PALM2AKAP2: variants seen among roughly 807,000 people sequenced by gnomAD.
PALM2AKAP2 encodes PALM2 and AKAP2 fusion, also known as PALM2-AKAP2 fusion protein.
A neutral mutation model predicts 71.5 loss-of-function variants in PALM2AKAP2; 37 were observed. The observed-to-expected ratio is 0.52, with a 90% CI of 0.40 to 0.68. The LOEUF (loss-of-function observed/expected upper bound fraction) is 0.68, where lower values mean the gene tolerates loss of function less well. PALM2AKAP2 is among the 30% of genes least tolerant of loss of function. PALM2AKAP2 has a pLI of 0.00. For missense variants in PALM2AKAP2, 1,224 were observed against 1,191.8 expected (o/e 1.03, Z -0.40); for synonymous variants, 468 against 478.8 (o/e 0.98, Z 0.29).
chr9:109,683,950 G>A (rs547783663), intron 1 of PALM2AKAP2, among the ~76,000 whole-genome samples: 48 of 152,038 alleles, frequency 3.2e-4, no homozygotes, highest in Non-Finnish European at 5.9e-4. Context: ...GAGATAATGA[G>A]ATAATGTATA....
intron 1 of PALM2AKAP2, among the ~76,000 whole-genome samples, chr9:109,695,508 T>C (rs141207921): frequency 2.0e-3 from 297 of 152,284 alleles, no homozygotes; most frequent in African/African-American, 6.8e-3. Flanking sequence ...GGTGAGAGGG[T>C]ATCTTACTAC....
At position 109,783,062 on chromosome 9, in the gene PALM2AKAP2, G is replaced by T. The variant is rs867054848; in HGVS notation, c.45+2529G>T. ...ACTTACTTGGGCTTCTCTCTCAGAGGCAGAGAATCGACTGGGATTCCAGTC... is the reference window on the plus strand; with the variant it reads ...ACTTACTTGGGCTTCTCTCTCAGAGTCAGAGAATCGACTGGGATTCCAGTC... On this transcript the variant is annotated intron_variant, in intron 1 of 9. Transcript: ENST00000302798. 4.9e-4 allele frequency among the ~76,000 whole-genome samples: 74 copies of T among 152,236 alleles called. 1 individual carries two copies. The Middle Eastern group carries it at 0.027, about 56-fold the overall frequency.
At chr9:110,076,515 A>ATATATATATATATATATATATATATC (rs1834329613) in intron 1 of PALM2AKAP2, among the ~76,000 whole-genome samples, 1 of 144,518 alleles carries the variant, frequency 6.9e-6, no homozygotes, top group African/African-American at 2.6e-5. Flanking sequence ...ATATATAGGT[A>ATATATATATATATATATATATATATC]TATATACCTC....
intron 1 of PALM2AKAP2, among the ~76,000 whole-genome samples, chr9:109,704,811 G>A (rs1262914247): frequency 6.6e-6 from 1 of 152,106 alleles, no homozygotes; most frequent in Non-Finnish European, 1.5e-5. Flanking sequence ...CTTCAACTTG[G>A]CTCTCACCAG....
intron 1 of PALM2AKAP2, among the ~76,000 whole-genome samples, chr9:109,829,999 A>G (rs961561943): frequency 1.3e-5 from 2 of 152,124 alleles, no homozygotes; most frequent in Non-Finnish European, 2.9e-5. Flanking sequence ...GAGGTGGGAG[A>G]TGCATGAATT....
intron 3 of PALM2AKAP2, among the ~76,000 whole-genome samples, chr9:109,913,492 T>G (rs925565084): frequency 7.9e-5 from 12 of 152,156 alleles, no homozygotes; most frequent in Non-Finnish European, 1.6e-4. Context: ...CAAAGCACAG[T>G]TCCAGCCAAC....
chr9:110,045,740 G>T (rs1364325432), upstream of PALM2AKAP2, among the ~76,000 whole-genome samples: 1 of 152,016 alleles, frequency 6.6e-6, no homozygotes, highest in Non-Finnish European at 1.5e-5. Context: ...GCTAATTTTT[G>T]TAGGTTTTTA....
chr9:110,130,638 C>A (rs1835712991), intron 1 of PALM2AKAP2, among the ~76,000 whole-genome samples: 1 of 152,180 alleles, frequency 6.6e-6, no homozygotes, highest in Admixed American at 6.5e-5. Flanking sequence ...GATGCTCCAA[C>A]CCCACCTTGC....
intron 1 of PALM2AKAP2, among the ~76,000 whole-genome samples, chr9:109,864,926 AG>A (rs1829408595): frequency 1.3e-5 from 2 of 152,022 alleles, no homozygotes. Flanking sequence ...GTATAGTCCT[AG>A]CCAATCTGTT....
intron 1 of PALM2AKAP2, among the ~76,000 whole-genome samples, chr9:109,806,344 A>T (rs1394204451): frequency 6.6e-6 from 1 of 152,248 alleles, no homozygotes; most frequent in Non-Finnish European, 1.5e-5. Flanking sequence ...ATCTGAGTTT[A>T]TGTAATTCAG....
chr9:110,035,207 G>GTC, intron 7 of PALM2AKAP2, among the ~76,000 whole-genome samples: 1 of 142,744 alleles, frequency 7.0e-6, no homozygotes, highest in East Asian at 2.0e-4. Flanking sequence ...GTGTGTGTGT[G>GTC]TGTATATATA....
chr9:110,035,673 G>GTT lies in PALM2AKAP2; in HGVS notation c.582+19635_582+19636dup, dbSNP rs1388853989. On this transcript the variant is annotated intron_variant, in intron 7 of 9. Transcript: ENST00000302798. ...ATAACATATATAGGATATGTTGTGTGTTATATATAACATATATAGGATATG... is the reference window on the plus strand; with the variant it reads ...ATAACATATATAGGATATGTTGTGTGTTTTATATATAACATATATAGGATATG... Among the ~76,000 whole-genome samples the GTT allele has an allele frequency of 7.6e-5, 9 of 118,458 alleles. No individual in the cohort carries two copies. The East Asian group carries it at 1.5e-3, about 20-fold the overall frequency. The allele number at this position is 118,458 out of a possible 152,430, so 77.7% of individuals were successfully genotyped here.
intron 6 of PALM2AKAP2, among the ~76,000 whole-genome samples, chr9:109,981,185 T>G (rs1832263474): frequency 6.6e-6 from 1 of 152,214 alleles, no homozygotes; most frequent in African/African-American, 2.4e-5. Context: ...AACACCCAGG[T>G]TTTCTGGTTC....
rs750364252 is a variant in PALM2AKAP2, at chr9:109,943,174, G to T, written c.496+11146G>T. The T allele has an allele frequency of 3.1e-6, 5 of 1,614,212 alleles. No individual in the cohort carries two copies. The East Asian group carries it at 8.9e-5, about 29-fold the overall frequency. On this transcript the variant is annotated intron_variant, in intron 6 of 9. Coordinates refer to the PALM2AKAP2 transcript ENST00000302798. Reference sequence around the variant, plus strand: ...CGAGGATGAAGAGGAGACGAAAAAGGTGCTAGGCTATGATGAAACCATCAA... The same window carrying T: ...CGAGGATGAAGAGGAGACGAAAAAGTTGCTAGGCTATGATGAAACCATCAA...
chr9:109,717,266 C>T (rs775115569), intron 1 of PALM2AKAP2, among the ~76,000 whole-genome samples: 1 of 152,148 alleles, frequency 6.6e-6, no homozygotes, highest in African/African-American at 2.4e-5. Context: ...TCTAGGGAAG[C>T]CTGTTTAATT....
In PALM2AKAP2 at chr9:110,114,315, T is replaced by G. The variant is rs1178514100; in HGVS notation, c.157-21812T>G. 2.0e-5 allele frequency among the ~76,000 whole-genome samples: 3 copies of G among 152,348 alleles called. No homozygotes were observed. The East Asian group carries it at 5.8e-4, about 29-fold the overall frequency. ...AGTTTCCTCTGTGTGTATATCTGCA[T>G]GCCCTCTCTTTCCCTTATAAAGACA... is the stretch of plus-strand genomic sequence containing the variant. On this transcript the variant is annotated intron_variant, in intron 1 of 3. Coordinates refer to ENST00000374525, the Ensembl canonical transcript of PALM2AKAP2.
At chr9:109,689,658 T>C (rs1468077628) in intron 1 of PALM2AKAP2, among the ~76,000 whole-genome samples, 1 of 152,212 alleles carries the variant, frequency 6.6e-6, no homozygotes, top group Non-Finnish European at 1.5e-5. Flanking sequence ...AAAATGAAAG[T>C]ATCATCTTCA....
intron 6 of PALM2AKAP2, among the ~76,000 whole-genome samples, chr9:109,995,415 C>T (rs1832554738): frequency 6.6e-6 from 1 of 152,190 alleles, no homozygotes; most frequent in Admixed American, 6.5e-5. Context: ...GCAAGGAATG[C>T]AGTTGAGGTG....
At chr9:109,862,547 A>G (rs1487912653) in intron 1 of PALM2AKAP2, among the ~76,000 whole-genome samples, 2 of 152,244 alleles carry the variant, frequency 1.3e-5, no homozygotes, top group Non-Finnish European at 1.5e-5. Flanking sequence ...AAATGTCTCT[A>G]ACTGGTGTTT....
Sources: allele counts gnomAD v4.1 joint callset (sites outside exome capture counted in the v4.1 genomes callset), GRCh38; gene constraint gnomAD v4.1.1; transcripts MANE v1.5; gene names NCBI Gene and HGNC (gene_info 2026-07-23, HGNC 2026-07-21).